PCTP: variants seen among roughly 807,000 people sequenced by gnomAD.
PCTP encodes the protein phosphatidylcholine transfer protein.
In PCTP, 27 loss-of-function variants were observed where a neutral mutation model predicts 31.0. The observed-to-expected ratio is 0.87, with a 90% CI of 0.64 to 1.20. The LOEUF is 1.20. PCTP is among the 50% of genes most tolerant of loss of function. The pLI, the probability that PCTP is intolerant of heterozygous loss-of-function variation, is 0.00. For missense variants in PCTP, 287 were observed against 268.2 expected (o/e 1.07, Z -0.49); for synonymous variants, 108 against 101.2 (o/e 1.07, Z -0.40).
intron 2 of PCTP, among the ~76,000 whole-genome samples, chr17:55,784,662 A>G (rs1198364472): frequency 6.6e-6 from 1 of 152,226 alleles, no homozygotes; most frequent in Non-Finnish European, 1.5e-5. Flanking sequence ...TAGAAAGGTC[A>G]TTAAAAATAA....
intron 5 of PCTP, among the ~76,000 whole-genome samples, chr17:55,834,616 G>C (rs954630752): frequency 2.6e-5 from 4 of 152,154 alleles, no homozygotes; most frequent in African/African-American, 9.7e-5. Context: ...TGCCCTTTGG[G>C]AGCCCCATGC....
At chr17:55,829,062 A>G (rs1905506092) in intron 5 of PCTP, among the ~76,000 whole-genome samples, 1 of 152,144 alleles carries the variant, frequency 6.6e-6, no homozygotes, top group East Asian at 1.9e-4. Context: ...GAAAGCTAGC[A>G]CCAGAGAGAG....
At chr17:55,816,007 T>A (rs1198170885) in intron 3 of PCTP, among the ~76,000 whole-genome samples, 51 of 152,218 alleles carry the variant, frequency 3.4e-4, no homozygotes, top group Admixed American at 3.3e-3. Context: ...CTGTCTCTAG[T>A]CCTTAGTGCT....
Position 55,798,740 on chromosome 17 carries a change from T to C in PCTP, c.317+11086T>C, listed in dbSNP as rs139587826. 8.3e-3 allele frequency among the ~76,000 whole-genome samples: 1,262 copies of C among 151,884 alleles called. 20 individuals carry two copies. The highest frequency in any genetic ancestry group is 8.9e-3 in the Non-Finnish European group (601 of 67,874). The stretch of plus-strand genomic sequence containing the variant: ...GTACATAAAATACTAAAAGAAGATA[T>C]TTGTATAGAAGAACAATGATTCCAG... On this transcript the variant is annotated intron_variant, in intron 3 of 3. Transcript: ENST00000572536.
At chr17:55,808,669 T>C (rs1912651607) in intron 3 of PCTP, among the ~76,000 whole-genome samples, 1 of 152,208 alleles carries the variant, frequency 6.6e-6, no homozygotes. Context: ...TCGTACTCTT[T>C]TCTCTCTGTC....
downstream of PCTP, among the ~76,000 whole-genome samples, chr17:55,847,364 G>T (rs964884655): frequency 6.6e-6 from 1 of 152,284 alleles, no homozygotes; most frequent in East Asian, 1.9e-4. Context: ...GTAATCCCCA[G>T]GTATTGAGGG....
At chr17:55,780,090 CTTTT>C (rs59816865), downstream of PCTP, among the ~76,000 whole-genome samples, 1 of 138,898 alleles carries the variant, frequency 7.2e-6, no homozygotes. Context: ...CAAGGAAGAA[CTTTT>C]TTTTTTTTTT....
At chr17:55,844,106 C>T (rs56040150), downstream of PCTP, among the ~76,000 whole-genome samples, 4,227 of 152,246 alleles carry the variant, frequency 0.028, 100 homozygotes, top group Middle Eastern at 0.092. Context: ...ACGCTACATC[C>T]CCACTGTCTT....
intron 3 of PCTP, 30 bp from the exon 4 acceptor site, chr17:55,773,694 G>C (rs758576706): frequency 6.3e-7 from 1 of 1,585,298 alleles, no homozygotes; most frequent in South Asian, 1.1e-5. Context: ...CAATGCTGGC[G>C]TTGGTGTCTT....
At chr17:55,840,885 T>C (rs1905958562) in intron 5 of PCTP, among the ~76,000 whole-genome samples, 1 of 152,216 alleles carries the variant, frequency 6.6e-6, no homozygotes, top group Non-Finnish European at 1.5e-5. Flanking sequence ...TTTGGGATGC[T>C]CAAGCAGTGC....
the PCTP span, among the ~76,000 whole-genome samples, chr17:55,851,275 T>G: frequency 6.6e-6 from 1 of 152,228 alleles, no homozygotes; most frequent in Non-Finnish European, 1.5e-5. Context: ...ATCAGTGCTA[T>G]CGATAGACCC....
At chr17:55,758,428 C>T (rs929448965) in intron 1 of PCTP, among the ~76,000 whole-genome samples, 1 of 152,136 alleles carries the variant, frequency 6.6e-6, no homozygotes, top group African/African-American at 2.4e-5. Context: ...AAACACAGAT[C>T]CATCTCACAG....
chr17:55,774,800 T>C lies in PCTP; in HGVS notation c.520T>C (p.Tyr174His). 6.3e-7 allele frequency: 1 copy of C among 1,582,990 alleles called. No individual in the cohort carries two copies. The highest frequency in any genetic ancestry group is 8.6e-7 in the Non-Finnish European group (1 of 1,160,734). Reference protein sequence around the residue: ...DGKKGSKVFMYYFDNPGGQIP... With the variant: ...DGKKGSKVFMHYFDNPGGQIP... The stretch of plus-strand genomic sequence containing the variant: ...TTTCTTTCCCTCTCTAGTTTTCATG[T>C]ATTACTTCGATAACCCGGGTGGCCA... The change falls in exon 5 of 6, where the codon TAT becomes CAT. Residue 174 changes from tyrosine (Y) to histidine (H), a missense_variant. Coordinates refer to ENST00000268896, the MANE Select transcript of PCTP (RefSeq NM_021213.4).
Position 55,755,187 on chromosome 17 carries a change from G to A in PCTP, c.141+3943G>A, listed in dbSNP as rs150986983. On this transcript the variant is annotated intron_variant, in intron 1 of 5. Coordinates refer to ENST00000268896, the MANE Select transcript of PCTP (RefSeq NM_021213.4). ...GTGGCTTAGTTATGAAGTTATGGGCGTCGGTTGGACTGATGGTCCTTTAAG... is the reference window on the plus strand; with the variant it reads ...GTGGCTTAGTTATGAAGTTATGGGCATCGGTTGGACTGATGGTCCTTTAAG... 1.6e-4 allele frequency among the ~76,000 whole-genome samples: 24 copies of A among 152,226 alleles called. No homozygotes were observed. The East Asian group carries it at 1.7e-3, about 11-fold the overall frequency.
intron 5 of PCTP, 22 bp downstream of exon 5, chr17:55,774,881 C>CGGGGG (rs757199634): frequency 1.6e-6 from 2 of 1,237,292 alleles, no homozygotes; most frequent in Non-Finnish European, 2.0e-6. Context: ...GGAGGTGGGG[C>CGGGGG]GGGGGGAGGG....
chr17:55,842,090 A>G (rs1354844566), intron 5 of PCTP, among the ~76,000 whole-genome samples: 2 of 152,238 alleles, frequency 1.3e-5, no homozygotes, highest in Admixed American at 6.5e-5. Flanking sequence ...AATGAATAAA[A>G]AAAGAAAAAG....
At chr17:55,773,584 C>T (rs750417371) in intron 3 of PCTP, 140 bp from the exon 4 acceptor site, 21 of 703,586 alleles carry the variant, frequency 3.0e-5, no homozygotes, top group African/African-American at 5.3e-5. Flanking sequence ...AGACAGGGCA[C>T]GTCAGTGAAC....
At chr17:55,837,036 T>G (rs1292097706) in intron 5 of PCTP, among the ~76,000 whole-genome samples, 1 of 151,932 alleles carries the variant, frequency 6.6e-6, no homozygotes, top group Non-Finnish European at 1.5e-5. Flanking sequence ...GAAGGTTGTA[T>G]GGTGGTATGG....
chr17:55,776,162 G>A lies in PCTP; in HGVS notation c.*62G>A. 1.9e-6 allele frequency: 3 copies of A among 1,594,140 alleles called. No individual in the cohort carries two copies. In the Admixed American group the frequency reaches 5.2e-5, roughly 28 times the overall value. Reference sequence around the variant, plus strand: ...GTCTCTGGAAGTGCAACCACCCAATGTCTCTGGAAGTGCCACCTGGAAGTG... The same window carrying A: ...GTCTCTGGAAGTGCAACCACCCAATATCTCTGGAAGTGCCACCTGGAAGTG... On this transcript the variant is annotated 3_prime_UTR_variant, in exon 6 of 6. Coordinates refer to ENST00000268896, the MANE Select transcript of PCTP (RefSeq NM_021213.4).
Sources: allele counts gnomAD v4.1 joint callset (sites outside exome capture counted in the v4.1 genomes callset), GRCh38; gene constraint gnomAD v4.1.1; transcripts MANE v1.5; gene names NCBI Gene and HGNC (gene_info 2026-07-23, HGNC 2026-07-21).